Variants in LPP observed in about 807,000 individuals in gnomAD.
The protein encoded by LPP is lipoma-preferred partner.
Under a neutral mutation model 60.4 loss-of-function variants are expected in LPP, and 38 were observed. The observed-to-expected ratio is 0.63, with a 90% CI of 0.49 to 0.83. The LOEUF (loss-of-function observed/expected upper bound fraction) is 0.83. LPP is among the 40% of genes least tolerant of loss of function. The pLI is 0.00. For synonymous variants in LPP, 328 were observed against 290.8 expected (o/e 1.13, Z -1.30); for missense variants, 902 against 783.6 (o/e 1.15, Z -1.80).
intron 9 of LPP, among the ~76,000 whole-genome samples, chr3:188,823,443 G>A (rs1754539912): frequency 6.6e-6 from 1 of 152,124 alleles, no homozygotes; most frequent in African/African-American, 2.4e-5. Context: ...TGGCATCCCA[G>A]TTCGGAACCA....
chr3:188,760,433 T>TGTGTGTGTGTGTGTGC lies in LPP; in HGVS notation c.1410+154_1410+155insTGTGTGTGTGTGCGTG, dbSNP rs1399975250. ...GGGTGTGTGTGTGTGTGTGTGTGTGTGTGCGTGCGCGCATGTAAATTAGCA... is the reference window on the plus strand; with the variant it reads ...GGGTGTGTGTGTGTGTGTGTGTGTGTGTGTGTGTGTGTGTGCGTGCGTGCGCGCATGTAAATTAGCA... On this transcript the variant is annotated intron_variant, in intron 9 of 11. Coordinates refer to ENST00000617246, the MANE Select transcript of LPP (RefSeq NM_001375462.1). The TGTGTGTGTGTGTGTGC allele has an allele frequency of 6.3e-5, 46 of 730,018 alleles. No individual in the cohort carries two copies. In the African/African-American group the frequency reaches 7.9e-4, roughly 13 times the overall value. 45.2% of individuals were successfully genotyped at this position (730,018 alleles called of 1,614,324 possible).
chr3:188,791,677 G>C (rs933896969), intron 9 of LPP, among the ~76,000 whole-genome samples: 4 of 152,004 alleles, frequency 2.6e-5, no homozygotes, highest in African/African-American at 9.7e-5. Flanking sequence ...ACTCGTCTTG[G>C]GCTTTTGCCT....
At chr3:188,840,288 G>A (rs539698143) in intron 9 of LPP, among the ~76,000 whole-genome samples, 74 of 152,276 alleles carry the variant, frequency 4.9e-4, no homozygotes, top group African/African-American at 1.8e-3. Context: ...AGAATTTGGG[G>A]TCACTGGAAG....
At chr3:188,283,153 G>A (rs894819896) in intron 2 of LPP, among the ~76,000 whole-genome samples, 1 of 152,124 alleles carries the variant, frequency 6.6e-6, no homozygotes, top group African/African-American at 2.4e-5. Context: ...TTAAGATGCT[G>A]GTGGCATTCC....
intron 2 of LPP, among the ~76,000 whole-genome samples, chr3:188,299,640 G>A (rs912037165): frequency 1.3e-5 from 2 of 152,158 alleles, no homozygotes; most frequent in African/African-American, 4.8e-5. Context: ...AGGCATCTGG[G>A]GTGGGCTATC....
intron 2 of LPP, among the ~76,000 whole-genome samples, chr3:188,242,081 C>T (rs962307445): frequency 6.6e-6 from 1 of 152,024 alleles, no homozygotes; most frequent in African/African-American, 2.4e-5. Context: ...GGCATGCTGT[C>T]CTTTGGCGTT....
chr3:188,512,586 AATAAAT>A (rs1400775500), intron 5 of LPP, among the ~76,000 whole-genome samples: 2 of 151,442 alleles, frequency 1.3e-5, no homozygotes, highest in African/African-American at 4.9e-5. Flanking sequence ...TAAATAAATA[AATAAAT>A]AAAGTTCCCA....
chr3:188,620,857 T>C (rs915854294), intron 7 of LPP, among the ~76,000 whole-genome samples: 1 of 152,254 alleles, frequency 6.6e-6, no homozygotes, highest in African/African-American at 2.4e-5. Context: ...AAATCCATGT[T>C]CTTCAAGAGT....
chr3:188,285,302 T>C (rs1743558336), intron 2 of LPP, among the ~76,000 whole-genome samples: 1 of 152,162 alleles, frequency 6.6e-6, no homozygotes, highest in Non-Finnish European at 1.5e-5. Context: ...AGGTGGTAAA[T>C]TGTTTCTCTC....
At chr3:188,396,604 G>A (rs1363151542) in intron 3 of LPP, among the ~76,000 whole-genome samples, 1 of 152,152 alleles carries the variant, frequency 6.6e-6, no homozygotes, top group Non-Finnish European at 1.5e-5. Context: ...AGATCATATT[G>A]GTGATTTTTC....
intron 7 of LPP, among the ~76,000 whole-genome samples, chr3:188,652,795 A>G (rs10937363): frequency 0.86 from 131,547 of 152,138 alleles, 58,521 homozygotes; most frequent in Non-Finnish European, 0.96. Flanking sequence ...AAGTCCCACC[A>G]TTTACCAGGT....
At chr3:188,240,644 G>A (rs575209917) in intron 2 of LPP, among the ~76,000 whole-genome samples, 202 of 152,192 alleles carry the variant, frequency 1.3e-3, no homozygotes, top group African/African-American at 4.6e-3. Context: ...ATATAAAAAA[G>A]CGTAATCATA....
At chr3:188,844,352 A>G (rs1760910494) in intron 9 of LPP, among the ~76,000 whole-genome samples, 1 of 152,220 alleles carries the variant, frequency 6.6e-6, no homozygotes, top group Admixed American at 6.5e-5. Context: ...CGTATTTAAT[A>G]CTTCCTCTCC....
At chr3:188,871,439 A>G (rs1768061419) in intron 10 of LPP, among the ~76,000 whole-genome samples, 1 of 152,200 alleles carries the variant, frequency 6.6e-6, no homozygotes, top group Non-Finnish European at 1.5e-5. Flanking sequence ...CTTAATTCAT[A>G]TTTATTTAGA....
At chr3:188,410,498 A>C (rs979743200) in intron 4 of LPP, among the ~76,000 whole-genome samples, 2 of 152,004 alleles carry the variant, frequency 1.3e-5, no homozygotes, top group African/African-American at 4.8e-5. Context: ...GATAATAACC[A>C]TTTTCTAAAG....
chr3:188,325,699 A>C (rs892287957), intron 2 of LPP, among the ~76,000 whole-genome samples: 4 of 152,204 alleles, frequency 2.6e-5, no homozygotes, highest in Non-Finnish European at 5.9e-5. Context: ...AAATTAAATA[A>C]TTTAATAGAT....
intron 2 of LPP, among the ~76,000 whole-genome samples, chr3:188,310,580 A>G: frequency 6.6e-6 from 1 of 152,230 alleles, no homozygotes; most frequent in Non-Finnish European, 1.5e-5. Flanking sequence ...AAAGGGGGTC[A>G]ATAGATTTGA....
At chr3:188,194,758 C>T (rs1267262912) in intron 1 of LPP, among the ~76,000 whole-genome samples, 2 of 152,266 alleles carry the variant, frequency 1.3e-5, no homozygotes, top group Non-Finnish European at 2.9e-5. Flanking sequence ...AGAGAGGTAC[C>T]TGTGGATTCT....
chr3:188,260,040 T>TTTTA (rs764548132), intron 2 of LPP, among the ~76,000 whole-genome samples: 23 of 152,066 alleles, frequency 1.5e-4, no homozygotes, highest in Non-Finnish European at 2.8e-4. Flanking sequence ...ATTATTCTTA[T>TTTTA]TTTATTTATT....
Sources: allele counts gnomAD v4.1 joint callset (sites outside exome capture counted in the v4.1 genomes callset), GRCh38; gene constraint gnomAD v4.1.1; transcripts MANE v1.5; gene names NCBI Gene and HGNC (gene_info 2026-07-23, HGNC 2026-07-21).